Variants in CHD9 observed in about 807,000 individuals in gnomAD.
CHD9 encodes the protein chromodomain helicase DNA binding protein 9.
Under a neutral mutation model 316.1 loss-of-function variants are expected in CHD9, and 77 were observed. The ratio of observed to expected loss-of-function variants is 0.24; its 90% CI spans 0.20 to 0.29. CHD9 has a LOEUF of 0.29. Among genes scored for constraint, CHD9 ranks in the 10% least tolerant of loss-of-function variants. CHD9 has a pLI of 1.00. For synonymous variants in CHD9, 1,129 were observed against 1,158.3 expected, an observed-to-expected ratio of 0.97 and a Z score of 0.51; for missense variants, 2,763 against 3,438.1, an observed-to-expected ratio of 0.80 and a Z score of 4.91.
rs117584137 is a variant in CHD9, at chr16:53,079,131, A to G, written c.-165+24054A>G. 5.8e-4 allele frequency among the ~76,000 whole-genome samples: 88 copies of G among 152,198 alleles called. No individual in the cohort carries two copies. In the East Asian group the frequency reaches 0.016, roughly 28 times the overall value. ...TACAGGAGCCTTGGAGTATGAAGGG[A>G]CCTGGGAAAGCTTTTCCTTCTCGTA... On this transcript the variant is annotated intron_variant, in intron 1 of 38. Coordinates refer to ENST00000447540, the MANE Select transcript of CHD9 (RefSeq NM_001308319.2).
At chr16:53,244,872 T>C (rs2049437105) in intron 13 of CHD9, among the ~76,000 whole-genome samples, 1 of 152,110 alleles carries the variant, frequency 6.6e-6, no homozygotes, top group Admixed American at 6.5e-5. Flanking sequence ...CTCACACCTG[T>C]AATCCCAGCA....
intron 2 of CHD9, among the ~76,000 whole-genome samples, chr16:53,169,869 A>G (rs1004303327): frequency 6.6e-6 from 1 of 152,156 alleles, no homozygotes; most frequent in East Asian, 1.9e-4. Flanking sequence ...TCAGGATCCA[A>G]TCAAGGGTCA....
chr16:53,195,901 G>A (rs892425547), intron 2 of CHD9, among the ~76,000 whole-genome samples: 1 of 151,898 alleles, frequency 6.6e-6, no homozygotes, highest in Admixed American at 6.6e-5. Context: ...GGGATCACAG[G>A]CGTGTGCCAC....
intron 1 of CHD9, among the ~76,000 whole-genome samples, chr16:53,096,324 A>T (rs1377434926): frequency 1.3e-5 from 2 of 152,106 alleles, no homozygotes; most frequent in African/African-American, 4.8e-5. Context: ...TACCCAACAC[A>T]ATGCCGGGTA....
In CHD9 at chr16:53,156,622, G is replaced by A. The variant is rs749242513; in HGVS notation, c.533G>A (p.Arg178His). Reference sequence around the variant, plus strand: ...CAACAAACACAGTGTACTTCACTACGCTCACAACAAAACAGAAATAATCTC... The same window carrying A: ...CAACAAACACAGTGTACTTCACTACACTCACAACAAAACAGAAATAATCTC... ...NEQQTQCTSL[R>H]SQQNRNNLNP... The change falls in exon 2 of 39, where the codon CGC becomes CAC. Residue 178 changes from arginine to histidine, a missense_variant. Arg to His is a conservative substitution (Grantham distance 29). This residue lies in a region of CHD9 where 859 missense variants were observed against 890.4 expected (regional missense o/e 0.96). Coordinates refer to ENST00000447540, the MANE Select transcript of CHD9 (RefSeq NM_001308319.2). 19 of 1,613,680 alleles carry A rather than the reference G, an allele frequency of 1.2e-5. No homozygotes were observed. Among genetic ancestry groups the A allele is most frequent in the African/African-American group, 1.1e-4 (8 of 74,904 alleles).
chr16:53,310,148 A>C (rs916495978), intron 34 of CHD9, among the ~76,000 whole-genome samples: 15 of 152,344 alleles, frequency 9.8e-5, no homozygotes, highest in African/African-American at 3.6e-4. Flanking sequence ...TTGTGGATTC[A>C]TTAACCATTC....
chr16:53,065,712 T>G (rs1323032888), intron 1 of CHD9, among the ~76,000 whole-genome samples: 1 of 147,564 alleles, frequency 6.8e-6, no homozygotes, highest in African/African-American at 2.5e-5. Context: ...CCTGTAATAC[T>G]CAAGGAGGTT....
chr16:53,104,196 G>A lies in CHD9; in HGVS notation c.-165+49119G>A, dbSNP rs149780986. Among the ~76,000 whole-genome samples, 1,116 of 152,232 alleles carry A rather than the reference G, an allele frequency of 7.3e-3. 9 individuals are homozygous for A. Among genetic ancestry groups the A allele is most frequent in the African/African-American group, 0.025 (1,044 of 41,544 alleles). On this transcript the variant is annotated intron_variant, in intron 1 of 38. Transcript: ENST00000447540. ...TCTGACATTTTATTTTTTCCCCCTT[G>A]TATTTAACCAGCACAAAGATTTGGC...
At chr16:53,085,601 G>T (rs968848841) in intron 1 of CHD9, among the ~76,000 whole-genome samples, 3 of 152,166 alleles carry the variant, frequency 2.0e-5, no homozygotes, top group African/African-American at 7.2e-5. Context: ...ACAGGCTAAG[G>T]AACAGGCAGG....
intron 24 of CHD9, among the ~76,000 whole-genome samples, chr16:53,279,632 A>G (rs2053217011): frequency 6.6e-6 from 1 of 152,196 alleles, no homozygotes; most frequent in African/African-American, 2.4e-5. Context: ...TTTCATGACT[A>G]AGGACCCAAA....
chr16:53,157,163 C>T lies in CHD9; in HGVS notation c.1074C>T (p.His358=), dbSNP rs2041576043. 2 of 1,609,378 alleles carry T rather than the reference C, an allele frequency of 1.2e-6. No homozygotes were observed. The highest frequency in any genetic ancestry group is 1.7e-6 in the Non-Finnish European group (2 of 1,177,426). ...GCAATTCAAAATTATCTCCTGTGCA[C>T]ATGAACTTCCCAGATCCTGTTGACT... The part of the protein sequence containing the change: ...NYSNSKLSPV[H]MNFPDPVDSG... Residue 358 remains histidine, a synonymous_variant, in exon 2 of 39, where the codon CAC becomes CAT. Transcript: ENST00000447540.
In CHD9 at chr16:53,144,803, C is replaced by T. The variant is rs550974044; in HGVS notation, c.-164-11123C>T. Among the ~76,000 whole-genome samples the T allele has an allele frequency of 4.6e-5, 7 of 152,086 alleles. No homozygotes were observed. The South Asian group carries it at 6.2e-4, about 14-fold the overall frequency. On this transcript the variant is annotated intron_variant, in intron 1 of 38. Transcript: ENST00000447540. ...CCTCCCAAAGTGCTGGGATTACAGG[C>T]GTGAGCCACCACGCCCAGCCTACAA...
chr16:53,260,016 G>A (rs2050947062), intron 19 of CHD9, among the ~76,000 whole-genome samples: 2 of 152,162 alleles, frequency 1.3e-5, no homozygotes, highest in Admixed American at 6.5e-5. Context: ...CCTCAGTTGT[G>A]AAAAATTTGT....
In CHD9 at chr16:53,313,682, C is replaced by T. The variant is rs574626057; in HGVS notation, c.7223-695C>T. The stretch of plus-strand genomic sequence containing the variant: ...AAATCTGGCCAGGTGCGGTGGCTCA[C>T]GCCTGTAATCCTAGCACTTTGGGAG... On this transcript the variant is annotated intron_variant, in intron 34 of 38. Coordinates refer to ENST00000447540, the MANE Select transcript of CHD9 (RefSeq NM_001308319.2). Among the ~76,000 whole-genome samples the T allele has an allele frequency of 1.5e-3, 220 of 148,068 alleles. 2 individuals are homozygous for T. Among genetic ancestry groups the T allele is most frequent in the African/African-American group, 5.1e-3 (203 of 40,042 alleles).
In CHD9 at chr16:53,209,789, A is replaced by G; in HGVS notation, c.1760A>G (p.Lys587Arg). Residue 587 changes from lysine to arginine, a missense_variant, in exon 3 of 39, where the codon AAG becomes AGG. This residue lies in a region of CHD9 where 859 missense variants were observed against 890.4 expected (regional missense o/e 0.96). Coordinates refer to ENST00000447540, the MANE Select transcript of CHD9 (RefSeq NM_001308319.2). ...AGCAAAAAAACAAAAACATGTTCTA[A>G]GTTAAAAGAGAAGACAAAAATTGGG... ...KDSKKTKTCSKLKEKTKIGKL... is the reference protein window; with the variant it reads ...KDSKKTKTCSRLKEKTKIGKL... 1.3e-6 allele frequency: 2 copies of G among 1,580,702 alleles called. No homozygotes were observed. The highest frequency in any genetic ancestry group is 1.7e-6 in the Non-Finnish European group (2 of 1,164,912).
intron 36 of CHD9, 87 bp downstream of exon 36, chr16:53,315,131 A>G: frequency 2.2e-6 from 2 of 889,184 alleles, no homozygotes; most frequent in Admixed American, 2.5e-5. Flanking sequence ...TCATCCACTT[A>G]TGCTAAATAT....
chr16:53,134,151 A>C (rs1042192673), intron 1 of CHD9, among the ~76,000 whole-genome samples: 1 of 152,222 alleles, frequency 6.6e-6, no homozygotes, highest in Non-Finnish European at 1.5e-5. Flanking sequence ...TAATGAGTGA[A>C]TAAAAAACAC....
chr16:53,317,473 T>C (rs2056972859), intron 36 of CHD9, among the ~76,000 whole-genome samples: 1 of 152,178 alleles, frequency 6.6e-6, no homozygotes, highest in African/African-American at 2.4e-5. Context: ...TTTTTATTGC[T>C]AGATATGAGT....
At chr16:53,072,646 G>T (rs113033982) in intron 1 of CHD9, among the ~76,000 whole-genome samples, 97 of 151,800 alleles carry the variant, frequency 6.4e-4, no homozygotes, top group African/African-American at 2.2e-3. Flanking sequence ...AAAATGCTGG[G>T]ATTATAGGTA....
Sources: gnomAD v4.1 joint callset for allele counts (sites outside exome capture counted in the v4.1 genomes callset) on GRCh38, gnomAD v4.1.1 for gene constraint, gnomAD v4.1.1 regional missense constraint, MANE v1.5 for transcripts, NCBI Gene and HGNC (gene_info 2026-07-23, HGNC 2026-07-21) for gene names.